Variants in RIMS2 observed in about 807,000 individuals in gnomAD.
The protein encoded by RIMS2 is regulating synaptic membrane exocytosis protein 2.
RIMS2 carries 59 observed loss-of-function variants against 174.4 expected under a neutral mutation model. The ratio of observed to expected loss-of-function variants is 0.34; its 90% CI spans 0.27 to 0.42. RIMS2 has a LOEUF of 0.42. Ranked by LOEUF, RIMS2 falls within the 10% of genes least tolerant of loss-of-function variation. The probability of loss-of-function intolerance (pLI) is 1.00; values close to 1 mark genes in which losing one functional copy is unlikely to be tolerated. For missense variants in RIMS2, 1,620 were observed against 1,666.3 expected (o/e 0.97, Z 0.48); for synonymous variants, 606 against 572.5 (o/e 1.06, Z -0.84).
chr8:103,673,352 T>G (rs1298978869), intron 1 of RIMS2, among the ~76,000 whole-genome samples: 2 of 152,214 alleles, frequency 1.3e-5, no homozygotes, highest in Non-Finnish European at 2.9e-5. Context: ...AACCCCACAT[T>G]TCTCCTCTGC....
intron 2 of RIMS2, among the ~76,000 whole-genome samples, chr8:103,720,848 T>C (rs1254617477): frequency 6.6e-6 from 1 of 152,188 alleles, no homozygotes; most frequent in East Asian, 1.9e-4. Context: ...ATTCTAAGTT[T>C]AGAAAAAAGA....
intron 16 of RIMS2, among the ~76,000 whole-genome samples, chr8:103,979,906 G>A (rs766856568): frequency 6.6e-6 from 1 of 152,192 alleles, no homozygotes; most frequent in East Asian, 1.9e-4. Context: ...GATTTAGCCA[G>A]AGAGGAATCA....
intron 3 of RIMS2, among the ~76,000 whole-genome samples, chr8:103,788,634 A>T: frequency 6.6e-6 from 1 of 151,990 alleles, no homozygotes; most frequent in Non-Finnish European, 1.5e-5. Flanking sequence ...CCGTTCTCAG[A>T]TCTCCAGCTG....
intron 10 of RIMS2, among the ~76,000 whole-genome samples, chr8:103,922,391 A>G (rs973243143): frequency 1.3e-5 from 2 of 152,026 alleles, no homozygotes; most frequent in African/African-American, 4.8e-5. Flanking sequence ...TTCATTTATG[A>G]ATTTTATATT....
chr8:104,018,535 T>A (rs189610366), intron 19 of RIMS2, among the ~76,000 whole-genome samples: 36 of 152,332 alleles, frequency 2.4e-4, no homozygotes, highest in Non-Finnish European at 3.7e-4. Context: ...ACTAGAATTA[T>A]AGGTAGTGCC....
At chr8:103,983,263 G>C (rs143031802) in intron 16 of RIMS2, among the ~76,000 whole-genome samples, 6 of 152,224 alleles carry the variant, frequency 3.9e-5, no homozygotes, top group African/African-American at 1.4e-4. Context: ...CACAAAAATA[G>C]AAAGATGTTC....
In RIMS2 at chr8:103,680,872, C is replaced by T. The variant is rs1411797103; in HGVS notation, c.177-16214C>T. 3.3e-5 allele frequency among the ~76,000 whole-genome samples: 5 copies of T among 152,054 alleles called. No homozygotes were observed. In the East Asian group the frequency reaches 9.7e-4, roughly 29 times the overall value. On this transcript the variant is annotated intron_variant, in intron 1 of 23. Coordinates refer to ENST00000504942, the Ensembl canonical transcript of RIMS2. ...ATGAGAGAAAACTAGAATATTCATACTTTGCTTGCAGGTGTACTAACAGGG... is the reference window on the plus strand; with the variant it reads ...ATGAGAGAAAACTAGAATATTCATATTTTGCTTGCAGGTGTACTAACAGGG...
intron 19 of RIMS2, among the ~76,000 whole-genome samples, chr8:104,086,272 T>TTG (rs2097535782): frequency 6.8e-6 from 1 of 147,024 alleles, no homozygotes; most frequent in Admixed American, 6.8e-5. Context: ...GTGGGTTTTT[T>TTG]TTTTTTTTTT....
intron 11 of RIMS2, chr8:103,927,987 T>C: frequency 1.2e-6 from 1 of 868,886 alleles, no homozygotes; most frequent in Non-Finnish European, 1.8e-6. Flanking sequence ...TTTTGTTATG[T>C]TGCTCCAAAT....
At chr8:103,815,535 C>A (rs2098713320) in intron 3 of RIMS2, among the ~76,000 whole-genome samples, 1 of 152,088 alleles carries the variant, frequency 6.6e-6, no homozygotes, top group Non-Finnish European at 1.5e-5. Context: ...ATCATCTATA[C>A]CATTTGTAAT....
At chr8:104,236,536 T>C (rs150862088) in intron 19 of RIMS2, among the ~76,000 whole-genome samples, 2 of 152,242 alleles carry the variant, frequency 1.3e-5, no homozygotes, top group African/African-American at 4.8e-5. Flanking sequence ...ATAGTATTGA[T>C]AACTTATTTT....
intron 9 of RIMS2, chr8:103,920,573 C>CT (rs1472903987): frequency 2.2e-6 from 1 of 444,810 alleles, no homozygotes; most frequent in Non-Finnish European, 4.5e-6. Flanking sequence ...CTAGTCTCTA[C>CT]TTTGACATTT....
At chr8:103,662,175 G>A (rs2096609487) in intron 1 of RIMS2, among the ~76,000 whole-genome samples, 1 of 152,142 alleles carries the variant, frequency 6.6e-6, no homozygotes, top group Admixed American at 6.5e-5. Context: ...AGGCTGTCCT[G>A]GGCCTCATGT....
At chr8:104,187,249 A>G (rs1405770186) in intron 19 of RIMS2, among the ~76,000 whole-genome samples, 1 of 151,818 alleles carries the variant, frequency 6.6e-6, no homozygotes, top group Non-Finnish European at 1.5e-5. Context: ...ATAAATTCCA[A>G]AATAATTCAG....
At chr8:104,125,618 C>T (rs1341874499) in intron 19 of RIMS2, among the ~76,000 whole-genome samples, 1 of 152,106 alleles carries the variant, frequency 6.6e-6, no homozygotes, top group Non-Finnish European at 1.5e-5. Context: ...CAGGAGATAT[C>T]TTAAATGATC....
At chr8:103,933,757 A>G (rs2080564354) in intron 12 of RIMS2, among the ~76,000 whole-genome samples, 1 of 152,236 alleles carries the variant, frequency 6.6e-6, no homozygotes, top group African/African-American at 2.4e-5. Flanking sequence ...TAACTCAAAA[A>G]GTTACATTAT....
intron 12 of RIMS2, among the ~76,000 whole-genome samples, chr8:103,933,288 GACACACACAC>G (rs55909886): frequency 0.011 from 1,317 of 119,720 alleles, 20 homozygotes; most frequent in African/African-American, 0.032. Context: ...TCGAGACTCT[GACACACACAC>G]ACACACACAC....
intron 3 of RIMS2, among the ~76,000 whole-genome samples, chr8:103,855,991 G>A (rs2099025534): frequency 6.6e-6 from 1 of 152,128 alleles, no homozygotes; most frequent in Non-Finnish European, 1.5e-5. Flanking sequence ...GGTTGTCTAA[G>A]TCTTTTCGTA....
intron 16 of RIMS2, among the ~76,000 whole-genome samples, chr8:103,986,530 G>T (rs990477558): frequency 6.6e-6 from 1 of 152,024 alleles, no homozygotes; most frequent in Non-Finnish European, 1.5e-5. Context: ...ATAAGAAAAA[G>T]ACTTTAAAAA....
Sources: gnomAD v4.1 joint callset for allele counts (sites outside exome capture counted in the v4.1 genomes callset) on GRCh38, gnomAD v4.1.1 for gene constraint, MANE v1.5 for transcripts, NCBI Gene and HGNC (gene_info 2026-07-23, HGNC 2026-07-21) for gene names.